TASP1: variants seen among roughly 807,000 people sequenced by gnomAD.
TASP1 encodes threonine aspartase 1.
TASP1 carries 16 observed loss-of-function variants against 56.6 expected under a neutral mutation model. That is an observed-to-expected ratio of 0.28 (90% CI 0.19 to 0.43). The LOEUF is 0.43. Ranked by LOEUF, TASP1 falls within the 20% of genes least tolerant of loss-of-function variation. The pLI, the probability that TASP1 is intolerant of heterozygous loss-of-function variation, is 1.00. For missense variants in TASP1, 393 were observed against 511.6 expected, an observed-to-expected ratio of 0.77 and a Z score of 2.24; for synonymous variants, 179 against 184.2, an observed-to-expected ratio of 0.97 and a Z score of 0.23.
chr20:13,154,302 T>C, the TASP1 span, among the ~76,000 whole-genome samples: 2 of 152,068 alleles, frequency 1.3e-5, no homozygotes, highest in Non-Finnish European at 2.9e-5. Context: ...GCTAGACCCT[T>C]CCCACAGGTC....
chr20:13,595,350 G>T (rs1303397828), intron 4 of TASP1, among the ~76,000 whole-genome samples: 1 of 152,200 alleles, frequency 6.6e-6, no homozygotes, highest in East Asian at 1.9e-4. Flanking sequence ...ACATCATAAT[G>T]ACAGGATCAA....
At chr20:13,181,918 G>T in the TASP1 span, among the ~76,000 whole-genome samples, 2 of 152,178 alleles carry the variant, frequency 1.3e-5, no homozygotes, top group African/African-American at 4.8e-5. Flanking sequence ...AGAATTCAGA[G>T]ATTGCAAACA....
At chr20:13,266,878 G>T in the TASP1 span, among the ~76,000 whole-genome samples, 2 of 152,176 alleles carry the variant, frequency 1.3e-5, no homozygotes, top group Non-Finnish European at 2.9e-5. Flanking sequence ...GAGTGAACTT[G>T]GTAATAGCTG....
the TASP1 span, among the ~76,000 whole-genome samples, chr20:13,294,796 C>T: frequency 3.9e-5 from 6 of 152,312 alleles, no homozygotes; most frequent in South Asian, 1.2e-3. Flanking sequence ...TTCCCTCCCA[C>T]TTAATCCTCT....
At chr20:13,119,647 TTCTC>T in the TASP1 span, among the ~76,000 whole-genome samples, 1 of 152,190 alleles carries the variant, frequency 6.6e-6, no homozygotes, top group Admixed American at 6.5e-5. Context: ...CTCCCCACCT[TTCTC>T]TGTCTTCTCT....
At chr20:13,128,610 T>TAGGGG in the TASP1 span, among the ~76,000 whole-genome samples, 2 of 151,928 alleles carry the variant, frequency 1.3e-5, no homozygotes, top group Admixed American at 1.3e-4. Flanking sequence ...TGAAAAGAGG[T>TAGGGG]AGGGGTAAAT....
At chr20:13,242,222 A>G in the TASP1 span, among the ~76,000 whole-genome samples, 4 of 152,176 alleles carry the variant, frequency 2.6e-5, no homozygotes, top group Non-Finnish European at 5.9e-5. Context: ...TGGATGTTGA[A>G]GTCACCAAAA....
the TASP1 span, chr20:13,221,746 G>T: frequency 7.3e-7 from 1 of 1,368,244 alleles, no homozygotes; most frequent in South Asian, 1.7e-5. Context: ...CGGCCGCCGC[G>T]CCGGGTCCTA....
the TASP1 span, among the ~76,000 whole-genome samples, chr20:13,258,903 C>T: frequency 6.6e-6 from 1 of 152,158 alleles, no homozygotes; most frequent in Non-Finnish European, 1.5e-5. Context: ...ATTAGACCAA[C>T]ATCCGGATAG....
chr20:13,590,871 A>T (rs367780552), intron 4 of TASP1, among the ~76,000 whole-genome samples: 38 of 152,248 alleles, frequency 2.5e-4, no homozygotes, highest in South Asian at 1.0e-3. Flanking sequence ...GTCTCAAAAA[A>T]AAATAAATAA....
At chr20:13,353,635 GC>G in the TASP1 span, among the ~76,000 whole-genome samples, 1 of 152,022 alleles carries the variant, frequency 6.6e-6, no homozygotes, top group African/African-American at 2.4e-5. Context: ...TGGGTGATTT[GC>G]CCCCTACTGC....
the TASP1 span, among the ~76,000 whole-genome samples, chr20:13,253,054 A>G: frequency 6.6e-6 from 1 of 152,154 alleles, no homozygotes. Flanking sequence ...TTAATTAGAG[A>G]CAGACACACA....
chr20:13,284,377 C>T, the TASP1 span, among the ~76,000 whole-genome samples: 10 of 152,222 alleles, frequency 6.6e-5, no homozygotes, highest in Non-Finnish European at 1.2e-4. Flanking sequence ...GTTTTATTTC[C>T]TCCTTGAGTT....
the TASP1 span, among the ~76,000 whole-genome samples, chr20:13,361,701 T>G: frequency 6.6e-6 from 1 of 152,098 alleles, no homozygotes; most frequent in African/African-American, 2.4e-5. Flanking sequence ...CTAGTCATAC[T>G]CCTATTCACC....
At chr20:13,411,864 T>A (rs1221747304) in intron 13 of TASP1, among the ~76,000 whole-genome samples, 1 of 152,240 alleles carries the variant, frequency 6.6e-6, no homozygotes, top group Non-Finnish European at 1.5e-5. Flanking sequence ...ACCCTGGCAC[T>A]AGGCTTCTGT....
intron 11 of TASP1, among the ~76,000 whole-genome samples, chr20:13,438,234 A>T (rs561370826): frequency 3.9e-4 from 60 of 152,330 alleles, no homozygotes; most frequent in African/African-American, 1.3e-3. Context: ...TGGAGGCATC[A>T]CGCTACCTGA....
rs2147136034 is a variant in TASP1 at position 13,569,547 on chromosome 20, A to T, written c.528T>A (p.Asp176Glu). 2 of 1,612,616 alleles carry T rather than the reference A, an allele frequency of 1.2e-6. No homozygotes were observed. Among genetic ancestry groups the T allele is most frequent in the Non-Finnish European group, 1.7e-6 (2 of 1,179,472 alleles). The change falls in exon 7 of 14, where the codon GAT becomes GAA. Residue 176 changes from aspartate (D) to glutamate (E), a missense_variant. Transcript: ENST00000337743. Reference sequence around the variant, plus strand: ...TAGGAGGGCAAGAGGGTATTCCATGATCTACTGCCCATCTGTAGGCTCCTT... The same window carrying T: ...TAGGAGGGCAAGAGGGTATTCCATGTTCTACTGCCCATCTGTAGGCTCCTT... The part of the protein sequence containing the change: ...VGEGAYRWAV[D>E]HGIPSCPPNI...
chr20:13,365,748 G>A, the TASP1 span, among the ~76,000 whole-genome samples: 1 of 152,180 alleles, frequency 6.6e-6, no homozygotes, highest in Admixed American at 6.5e-5. Context: ...AGAAGTTTTG[G>A]GTTTATTTCG....
intron 11 of TASP1, among the ~76,000 whole-genome samples, chr20:13,478,989 T>A (rs1399813953): frequency 6.6e-6 from 1 of 152,094 alleles, no homozygotes; most frequent in Non-Finnish European, 1.5e-5. Flanking sequence ...ATTAAGAGCA[T>A]TAAGCTATGT....
Sources: gnomAD v4.1 joint callset for allele counts (sites outside exome capture counted in the v4.1 genomes callset) on GRCh38, gnomAD v4.1.1 for gene constraint, MANE v1.5 for transcripts, NCBI Gene and HGNC (gene_info 2026-07-23, HGNC 2026-07-21) for gene names.